Variants in SEC24B observed in about 807,000 individuals in gnomAD.
SEC24B encodes the protein protein transport protein Sec24B.
A neutral mutation model predicts 142.8 loss-of-function variants in SEC24B; 45 were observed. The ratio of observed to expected loss-of-function variants is 0.32; its 90% CI spans 0.25 to 0.40. The LOEUF is 0.40. SEC24B is among the 10% of genes least tolerant of loss of function. The pLI is 1.00. For synonymous variants in SEC24B, 574 were observed against 568.2 expected (o/e 1.01, Z -0.15); for missense variants, 1,409 against 1,526.8 (o/e 0.92, Z 1.29).
At chr4:109,531,856 C>CT (rs201785269) in intron 20 of SEC24B, among the ~76,000 whole-genome samples, 7 of 152,018 alleles carry the variant, frequency 4.6e-5, no homozygotes, top group South Asian at 4.2e-4. Flanking sequence ...TCTTTATTTT[C>CT]TTTTTTTTAA....
chr4:109,522,028 G>T (rs751778277), intron 14 of SEC24B, among the ~76,000 whole-genome samples: 1 of 150,702 alleles, frequency 6.6e-6, no homozygotes, highest in Non-Finnish European at 1.5e-5. Flanking sequence ...ACTGCGCCCG[G>T]CTGCCTGAGA....
At chr4:109,456,337 T>TTTTG (rs1553995190) in intron 1 of SEC24B, among the ~76,000 whole-genome samples, 5 of 148,752 alleles carry the variant, frequency 3.4e-5, no homozygotes, top group South Asian at 2.1e-4. Flanking sequence ...TTTTTTTGTT[T>TTTTG]TTTTTTTTTT....
At chr4:109,538,188 CAT>C (rs564086708) in intron 22 of SEC24B, among the ~76,000 whole-genome samples, 42 of 152,270 alleles carry the variant, frequency 2.8e-4, no homozygotes, top group African/African-American at 9.1e-4. Context: ...CTAGAAGAAA[CAT>C]AAAGCCGCCA....
At chr4:109,444,854 C>G (rs1406613028) in intron 1 of SEC24B, among the ~76,000 whole-genome samples, 3 of 152,144 alleles carry the variant, frequency 2.0e-5, no homozygotes, top group Non-Finnish European at 2.9e-5. Context: ...ATCTGTTTCC[C>G]TCTTTTATTT....
At chr4:109,521,751 A>G (rs1269979603) in intron 14 of SEC24B, 125 bp downstream of exon 14, 4 of 772,344 alleles carry the variant, frequency 5.2e-6, no homozygotes, top group Non-Finnish European at 8.1e-6. Context: ...TTCTTTTTTG[A>G]GACGTGGTCT....
Position 109,454,215 on chromosome 4 carries a change from G to T in SEC24B, c.134-8686G>T, listed in dbSNP as rs545308270. 4.6e-5 allele frequency among the ~76,000 whole-genome samples: 7 copies of T among 152,030 alleles called. No individual in the cohort carries two copies. In the South Asian group the frequency reaches 1.5e-3, roughly 32 times the overall value. ...TATTTTATGTTGCTGACTATGCTTT[G>T]AGTATCATAGGTAATGTTGAGGCTC... On this transcript the variant is annotated intron_variant, in intron 1 of 23. Transcript: ENST00000265175.
intron 6 of SEC24B, among the ~76,000 whole-genome samples, chr4:109,499,771 ATAATACT>A (rs1274221749): frequency 2.6e-5 from 4 of 152,254 alleles, no homozygotes; most frequent in African/African-American, 4.8e-5. Context: ...TGCACAGTAC[ATAATACT>A]TGATAATGAA....
intron 17 of SEC24B, 90 bp from the exon 18 acceptor site, chr4:109,527,232 A>AT: frequency 6.7e-6 from 6 of 890,820 alleles, no homozygotes; most frequent in Non-Finnish European, 1.0e-5. Flanking sequence ...AAAAAAAAAA[A>AT]GAAAGAAAGA....
In SEC24B at chr4:109,435,481, A is replaced by G. The variant is rs1327847474; in HGVS notation, c.133+1479A>G. Among the ~76,000 whole-genome samples, 10 of 152,380 alleles carry G rather than the reference A, an allele frequency of 6.6e-5. No individual in the cohort carries two copies. The East Asian group carries it at 1.9e-3, about 29-fold the overall frequency. Reference sequence around the variant, plus strand: ...AGAACATTGTAGACTCATGTTTACCAGTGATTCAAGGATTGTGTCTTTCCT... The same window carrying G: ...AGAACATTGTAGACTCATGTTTACCGGTGATTCAAGGATTGTGTCTTTCCT... On this transcript the variant is annotated intron_variant, in intron 1 of 23. Coordinates refer to ENST00000265175, the MANE Select transcript of SEC24B (RefSeq NM_006323.5).
chr4:109,530,028 C>T (rs1030201496), intron 18 of SEC24B, among the ~76,000 whole-genome samples: 1 of 152,132 alleles, frequency 6.6e-6, no homozygotes, highest in Non-Finnish European at 1.5e-5. Context: ...GCCACCATGT[C>T]CAGCCTGGCT....
intron 1 of SEC24B, among the ~76,000 whole-genome samples, chr4:109,440,802 C>T (rs370974619): frequency 5.9e-5 from 9 of 152,296 alleles, no homozygotes; most frequent in East Asian, 1.9e-4. Flanking sequence ...GTAATAGGCA[C>T]TCAGTTAAGT....
chr4:109,443,843 T>G (rs980385113), intron 1 of SEC24B, among the ~76,000 whole-genome samples: 18 of 152,144 alleles, frequency 1.2e-4, no homozygotes, highest in African/African-American at 4.1e-4. Flanking sequence ...TTTTGAATTG[T>G]CAGGTAAAAA....
In SEC24B at chr4:109,539,853, C is replaced by T; in HGVS notation, c.*178C>T. ...AAGAAAGAACTTGACAGATCTTTTT[C>T]AACTCAAATTAATGGTAACGATGAT... On this transcript the variant is annotated 3_prime_UTR_variant, in exon 24 of 24. Transcript: ENST00000265175. 1.7e-6 allele frequency: 1 copy of T among 575,574 alleles called. No individual in the cohort carries two copies. Among genetic ancestry groups the T allele is most frequent in the East Asian group, 2.9e-5 (1 of 34,308 alleles). 35.7% of individuals were successfully genotyped at this position (575,574 alleles called of 1,614,324 possible). A position where few individuals can be genotyped will look rare whatever the true frequency, so the allele number is the denominator to read the frequency against.
intron 1 of SEC24B, among the ~76,000 whole-genome samples, chr4:109,455,065 G>A (rs1425828307): frequency 6.6e-6 from 1 of 152,148 alleles, no homozygotes; most frequent in Non-Finnish European, 1.5e-5. Flanking sequence ...GGGTCTACAC[G>A]TTAAATAAAT....
In SEC24B at chr4:109,449,614, C is replaced by T. The variant is rs562026607; in HGVS notation, c.134-13287C>T. 83 of 427,974 alleles carry T rather than the reference C, an allele frequency of 1.9e-4. 1 individual carries two copies. Among genetic ancestry groups the T allele is most frequent in the Non-Finnish European group, 3.6e-4 (78 of 214,882 alleles). The allele number at this position is 427,974 out of a possible 1,614,324, so 26.5% of individuals were successfully genotyped here. A position where few individuals can be genotyped will look rare whatever the true frequency, so the allele number is the denominator to read the frequency against. ...TATTCTAATGAGGGCCCTCTATCCA[C>T]CTTGTCACTGTGTGCTCACATGGCC... On this transcript the variant is annotated intron_variant, in intron 1 of 23. Coordinates refer to ENST00000265175, the MANE Select transcript of SEC24B (RefSeq NM_006323.5).
chr4:109,472,900 TTA>T, intron 2 of SEC24B, 102 bp from the exon 3 acceptor site: 1 of 331,790 alleles, frequency 3.0e-6, no homozygotes, highest in Non-Finnish European at 5.0e-6. Flanking sequence ...TATTATATAA[TTA>T]TATTATATAT....
chr4:109,509,689 A>C (rs1170875864), intron 7 of SEC24B, among the ~76,000 whole-genome samples: 3 of 151,468 alleles, frequency 2.0e-5, no homozygotes, highest in Non-Finnish European at 3.0e-5. Flanking sequence ...AAAAAAAAAA[A>C]AAAAAAAAAA....
In SEC24B at chr4:109,463,055, A is replaced by G. The variant is rs760801479; in HGVS notation, c.288A>G (p.Thr96=). 1.2e-6 allele frequency: 2 copies of G among 1,614,204 alleles called. No homozygotes were observed. The highest frequency in any genetic ancestry group is 2.2e-5 in the East Asian group (1 of 44,884). ...GTGATTACTACTCTGCTCTCTATAC[A>G]GTACCAACACAAAATGTGACTCCTA... is the stretch of plus-strand genomic sequence containing the variant. ...QCGDYYSALY[T]VPTQNVTPNT... is the part of the protein sequence containing the mutation. The change falls in exon 2 of 24, where the codon ACA becomes ACG. Residue 96 remains threonine, a synonymous_variant. Transcript: ENST00000265175.
intron 1 of SEC24B, among the ~76,000 whole-genome samples, chr4:109,437,577 A>C (rs1485819515): frequency 6.6e-6 from 1 of 152,212 alleles, no homozygotes; most frequent in Admixed American, 6.5e-5. Context: ...GGTGTGAGCC[A>C]CTGGGCTGGG....
Sources: gnomAD v4.1 joint callset for allele counts (sites outside exome capture counted in the v4.1 genomes callset) on GRCh38, gnomAD v4.1.1 for gene constraint, MANE v1.5 for transcripts, NCBI Gene and HGNC (gene_info 2026-07-23, HGNC 2026-07-21) for gene names.